Variants in CTNNA3 observed in about 807,000 individuals in gnomAD.
CTNNA3 encodes catenin alpha 3, also known as catenin alpha-3.
Under a neutral mutation model 95.7 loss-of-function variants are expected in CTNNA3, and 76 were observed. The ratio of observed to expected loss-of-function variants is 0.79; its 90% CI spans 0.66 to 0.96. The LOEUF is 0.96. Ranked by LOEUF, CTNNA3 falls within the 40% of genes least tolerant of loss-of-function variation. CTNNA3 has a pLI of 0.00. For synonymous variants in CTNNA3, 431 were observed against 374.4 expected (o/e 1.15, Z -1.74); for missense variants, 1,191 against 1,089.8 (o/e 1.09, Z -1.31).
intron 17 of CTNNA3, among the ~76,000 whole-genome samples, chr10:65,962,336 A>G (rs866443823): frequency 6.6e-6 from 1 of 152,076 alleles, no homozygotes; most frequent in African/African-American, 2.4e-5. Flanking sequence ...TCTTCCTTCT[A>G]TATACACTGT....
rs868437820 is a variant in CTNNA3 at position 67,651,097 on chromosome 10, A to G, written c.-5-3579T>C. On this transcript the variant is annotated intron_variant, in intron 1 of 17. Transcript: ENST00000433211. The stretch of plus-strand genomic sequence containing the variant: ...CCTAACCATCTGTAATGTGGTTCCT[A>G]TAGAAAATTCCCTAATATCAAATAT... Among the ~76,000 whole-genome samples, 3 of 152,154 alleles carry G rather than the reference A, an allele frequency of 2.0e-5. No individual in the cohort carries two copies. In the South Asian group the frequency reaches 6.2e-4, roughly 32 times the overall value.
At chr10:66,864,674 T>C (rs1435594478) in intron 7 of CTNNA3, among the ~76,000 whole-genome samples, 1 of 152,102 alleles carries the variant, frequency 6.6e-6, no homozygotes, top group Non-Finnish European at 1.5e-5. Context: ...TTGGTTTCAT[T>C]ATCTATAAAA....
chr10:66,651,459 G>GC (rs34050536), intron 9 of CTNNA3, among the ~76,000 whole-genome samples: 101,932 of 151,782 alleles, frequency 0.67, 35,321 homozygotes, highest in East Asian at 0.95. Flanking sequence ...CACACCAAGT[G>GC]CCGCACTCCT....
At chr10:66,797,311 C>G (rs996500378) in intron 7 of CTNNA3, among the ~76,000 whole-genome samples, 6 of 150,706 alleles carry the variant, frequency 4.0e-5, no homozygotes, top group African/African-American at 1.5e-4. Context: ...CAATGTGGTA[C>G]TTAAACTATG....
intron 2 of CTNNA3, among the ~76,000 whole-genome samples, chr10:67,625,775 A>T (rs1377859950): frequency 2.0e-5 from 3 of 152,188 alleles, no homozygotes; most frequent in Non-Finnish European, 4.4e-5. Flanking sequence ...CCTATGGTCT[A>T]ATGGCTAGGA....
At chr10:66,382,147 A>C (rs1279996315) in intron 11 of CTNNA3, among the ~76,000 whole-genome samples, 1 of 152,138 alleles carries the variant, frequency 6.6e-6, no homozygotes, top group Non-Finnish European at 1.5e-5. Context: ...CCCGGGAAGC[A>C]CAAGGGGTCA....
intron 12 of CTNNA3, among the ~76,000 whole-genome samples, chr10:66,332,137 G>C (rs899087487): frequency 1.3e-5 from 2 of 152,026 alleles, no homozygotes; most frequent in African/African-American, 4.8e-5. Context: ...AGCTTAAGGA[G>C]ATTGTGGGCT....
intron 15 of CTNNA3, among the ~76,000 whole-genome samples, chr10:66,034,412 C>A (rs1441715788): frequency 1.3e-5 from 2 of 152,086 alleles, no homozygotes; most frequent in Admixed American, 6.6e-5. Flanking sequence ...GAAAAATTTG[C>A]TGTTGAATTT....
At chr10:67,564,509 G>T (rs1181833057) in intron 3 of CTNNA3, among the ~76,000 whole-genome samples, 3 of 108,988 alleles carry the variant, frequency 2.8e-5, no homozygotes, top group African/African-American at 7.2e-5. Context: ...GGGGGGAGGG[G>T]GGATGGATAG....
At chr10:66,760,294 G>A (rs893828225) in intron 9 of CTNNA3, among the ~76,000 whole-genome samples, 3 of 152,014 alleles carry the variant, frequency 2.0e-5, no homozygotes, top group Non-Finnish European at 2.9e-5. Flanking sequence ...AGTCTAACCC[G>A]TGCAGCCTGA....
intron 9 of CTNNA3, among the ~76,000 whole-genome samples, chr10:66,760,285 G>C (rs1839551331): frequency 6.6e-6 from 1 of 152,136 alleles, no homozygotes; most frequent in Non-Finnish European, 1.5e-5. Flanking sequence ...ACAAGAGGAA[G>C]TCTAACCCGT....
intron 11 of CTNNA3, among the ~76,000 whole-genome samples, chr10:66,499,540 C>T (rs1007224027): frequency 5.9e-5 from 9 of 152,086 alleles, no homozygotes; most frequent in Non-Finnish European, 1.3e-4. Context: ...GTAGCTCAGG[C>T]TAACCTTGAA....
intron 5 of CTNNA3, among the ~76,000 whole-genome samples, chr10:67,272,633 G>C (rs916890287): frequency 3.3e-5 from 5 of 152,160 alleles, no homozygotes; most frequent in African/African-American, 9.6e-5. Flanking sequence ...TCATTGTTGT[G>C]GAAACCAAAC....
chr10:65,920,702 C>T (rs200284683), intron 17 of CTNNA3, 85 bp from the exon 18 acceptor site: 91 of 1,435,044 alleles, frequency 6.3e-5, no homozygotes, highest in East Asian at 5.8e-4. Flanking sequence ...GGCATGTGCC[C>T]GTTGCCCCAG....
chr10:67,443,462 T>A (rs1846611228), intron 5 of CTNNA3, among the ~76,000 whole-genome samples: 1 of 151,398 alleles, frequency 6.6e-6, no homozygotes, highest in African/African-American at 2.4e-5. Context: ...CACCTGTTGT[T>A]TCCTGACTTT....
intron 7 of CTNNA3, among the ~76,000 whole-genome samples, chr10:66,929,307 T>G (rs1321477729): frequency 1.3e-5 from 2 of 152,174 alleles, no homozygotes; most frequent in Admixed American, 1.3e-4. Context: ...AGTTTTCAGA[T>G]AAGGTTCGCG....
intron 7 of CTNNA3, among the ~76,000 whole-genome samples, chr10:66,974,871 T>G (rs1253143132): frequency 6.6e-6 from 1 of 152,108 alleles, no homozygotes; most frequent in Admixed American, 6.5e-5. Flanking sequence ...TTTTTCTTCA[T>G]ATTGAATTCT....
intron 13 of CTNNA3, among the ~76,000 whole-genome samples, chr10:66,243,082 C>T (rs567868962): frequency 6.6e-6 from 1 of 152,206 alleles, no homozygotes; most frequent in Non-Finnish European, 1.5e-5. Flanking sequence ...ATGCCCTCCT[C>T]CCTTTGGAAT....
chr10:66,958,965 G>C (rs918177330), intron 7 of CTNNA3, among the ~76,000 whole-genome samples: 4 of 152,010 alleles, frequency 2.6e-5, no homozygotes, highest in Non-Finnish European at 4.4e-5. Flanking sequence ...TCAGACATAG[G>C]GAGAGAGAGT....
Sources: allele counts gnomAD v4.1 joint callset (sites outside exome capture counted in the v4.1 genomes callset), GRCh38; gene constraint gnomAD v4.1.1; transcripts MANE v1.5; gene names NCBI Gene and HGNC (gene_info 2026-07-23, HGNC 2026-07-21).